The following NKD2 variants were observed in gnomAD, a reference collection of about 807,000 sequenced individuals.
NKD2 encodes the protein protein naked cuticle homolog 2.
Under a neutral mutation model 34.8 loss-of-function variants are expected in NKD2, and 43 were observed. That is an observed-to-expected ratio of 1.24 (90% CI 0.97 to 1.60). NKD2 has a LOEUF of 1.60. Ranked by LOEUF, NKD2 falls within the 40% of genes most tolerant of loss-of-function variation. The probability of loss-of-function intolerance (pLI) is 0.00; values close to 1 mark genes in which losing one functional copy is unlikely to be tolerated. For synonymous variants in NKD2, 278 were observed against 265.1 expected, an observed-to-expected ratio of 1.05 and a Z score of -0.47; for missense variants, 675 against 627.1, an observed-to-expected ratio of 1.08 and a Z score of -0.82.
chr5:1,035,364 A>C, intron 7 of NKD2, 25 bp from the exon 8 acceptor site: 1 of 1,533,722 alleles, frequency 6.5e-7, no homozygotes, highest in Non-Finnish European at 8.8e-7. Context: ...GGAGGGAGTG[A>C]GTAATGGCAG....
At chr5:1,032,295 A>G (rs1411967607) in intron 4 of NKD2, 83 bp downstream of exon 4, 2 of 1,082,074 alleles carry the variant, frequency 1.8e-6, no homozygotes, top group Non-Finnish European at 2.8e-6. Flanking sequence ...CCACCCTTAA[A>G]ACAACCCCGT....
At chr5:1,012,395 G>A (rs1755789431) in intron 3 of NKD2, among the ~76,000 whole-genome samples, 1 of 152,216 alleles carries the variant, frequency 6.6e-6, no homozygotes, top group Non-Finnish European at 1.5e-5. Context: ...GGAGGCAGCA[G>A]GCACGGCTCT....
At chr5:1,035,294 A>G (rs1331975756) in intron 7 of NKD2, 95 bp from the exon 8 acceptor site, 2 of 995,444 alleles carry the variant, frequency 2.0e-6, no homozygotes, top group Middle Eastern at 2.1e-4. Context: ...TAATGAATGA[A>G]TGAATGAGTG....
chr5:1,020,070 T>G (rs908547444), intron 3 of NKD2, among the ~76,000 whole-genome samples: 10 of 152,278 alleles, frequency 6.6e-5, no homozygotes, highest in Admixed American at 4.6e-4. Flanking sequence ...GTTTTCCTTT[T>G]TCTGTGACAT....
At chr5:1,037,513 C>T in intron 9 of NKD2, 2 of 1,533,732 alleles carry the variant, frequency 1.3e-6, no homozygotes, top group East Asian at 4.9e-5. Flanking sequence ...CACGGCGCCC[C>T]AAGCAGGGTC....
intron 3 of NKD2, among the ~76,000 whole-genome samples, chr5:1,030,844 G>A (rs916656446): frequency 2.6e-5 from 4 of 152,178 alleles, no homozygotes; most frequent in Non-Finnish European, 4.4e-5. Flanking sequence ...CCTTGGCACC[G>A]CCCTGGGCGG....
intron 3 of NKD2, among the ~76,000 whole-genome samples, chr5:1,022,066 G>C (rs1415913548): frequency 4.0e-5 from 5 of 124,102 alleles, no homozygotes; most frequent in Admixed American, 9.2e-5. Flanking sequence ...CAGTCGAAAC[G>C]GGGTCCTTGC....
intron 3 of NKD2, among the ~76,000 whole-genome samples, chr5:1,031,454 T>TCCCG (rs1417668198): frequency 6.6e-6 from 1 of 151,902 alleles, no homozygotes; most frequent in Non-Finnish European, 1.5e-5. Context: ...TGCCCATCCC[T>TCCCG]CCCGCCCGCC....
Position 1,038,300 on chromosome 5 carries a change from TCCAGCGGCACGAGCACCA to T in NKD2, c.1287_1304del (p.Gln429_His434del), listed in dbSNP as rs1334591835. 14 of 1,548,942 alleles carry T rather than the reference TCCAGCGGCACGAGCACCA, an allele frequency of 9.0e-6. No individual in the cohort carries two copies. The highest frequency in any genetic ancestry group is 4.1e-5 in the African/African-American group (3 of 73,594). On this transcript the variant is annotated inframe_deletion, in exon 10 of 10. Transcript: ENST00000296849. The surrounding 1 kb of genome is among the most constrained non-coding windows in gnomAD (Gnocchi z 4.5). Reference sequence around the variant, plus strand: ...GGAGAGGGCTACGCGGTGCCAGTGATCCAGCGGCACGAGCACCACCACCACCACGAGCACCACCACCAC... The same window carrying T: ...GGAGAGGGCTACGCGGTGCCAGTGATCCACCACCACGAGCACCACCACCAC...
At chr5:1,026,545 G>T (rs1476344370) in intron 3 of NKD2, among the ~76,000 whole-genome samples, 2 of 66,318 alleles carry the variant, frequency 3.0e-5, no homozygotes, top group African/African-American at 7.7e-5. Context: ...CCAGCCCATT[G>T]TCCCTGCTCT....
chr5:1,036,503 A>ACCCCCCCCCCC (rs1491491725), intron 9 of NKD2, 119 bp downstream of exon 9: 16 of 207,810 alleles, frequency 7.7e-5, no homozygotes, highest in African/African-American at 3.6e-4. Context: ...CCCCCCCCCA[A>ACCCCCCCCCCC]CCCCCCCCAC....
At chr5:1,037,162 T>C (rs954454206) in intron 9 of NKD2, among the ~76,000 whole-genome samples, 1 of 152,178 alleles carries the variant, frequency 6.6e-6, no homozygotes, top group South Asian at 2.1e-4. Flanking sequence ...CACACGTTTA[T>C]TTCCGACTAG....
At chr5:1,018,555 ACAGT>A (rs368892672) in intron 3 of NKD2, among the ~76,000 whole-genome samples, 76 of 151,090 alleles carry the variant, frequency 5.0e-4, no homozygotes, top group Non-Finnish European at 5.9e-4. Flanking sequence ...GAGACTGGTC[ACAGT>A]CAGGGCGACT....
intron 3 of NKD2, among the ~76,000 whole-genome samples, chr5:1,028,505 G>A (rs1276749139): frequency 2.6e-5 from 4 of 152,150 alleles, no homozygotes; most frequent in African/African-American, 9.7e-5. Flanking sequence ...CACGGGGCAG[G>A]CCCACGGTCG....
chr5:1,028,578 A>C (rs1756517178), intron 3 of NKD2, among the ~76,000 whole-genome samples: 1 of 151,900 alleles, frequency 6.6e-6, no homozygotes, highest in African/African-American at 2.4e-5. Context: ...CATGGGCGGG[A>C]GGGGACAACG....
chr5:1,014,874 T>C (rs1247712255), intron 3 of NKD2, among the ~76,000 whole-genome samples: 1 of 152,214 alleles, frequency 6.6e-6, no homozygotes, highest in Admixed American at 6.5e-5. Flanking sequence ...TGTGGCCCCC[T>C]CGCCAGCACC....
intron 5 of NKD2, among the ~76,000 whole-genome samples, chr5:1,033,887 T>C (rs971746861): frequency 3.3e-5 from 5 of 152,062 alleles, no homozygotes; most frequent in African/African-American, 1.2e-4. Flanking sequence ...AGGACTGGGG[T>C]CTCCGTGTCC....
chr5:1,011,833 C>T (rs981229350), intron 3 of NKD2, among the ~76,000 whole-genome samples: 1 of 152,258 alleles, frequency 6.6e-6, no homozygotes, highest in African/African-American at 2.4e-5. Flanking sequence ...TCTGCACCCC[C>T]GACGTGGCTC....
chr5:1,037,931 A>G lies in NKD2; in HGVS notation c.914A>G (p.His305Arg), dbSNP rs1734079203. Residue 305 changes from histidine to arginine, a missense_variant, in exon 10 of 10, where the codon CAC (histidine) becomes CGC (arginine). Transcript: ENST00000296849. ...HHRRSQVLVEHVVPASEPAAR... is the reference protein window; with the variant it reads ...HHRRSQVLVERVVPASEPAAR... ...CGCAGGTCACAGGTGCTGGTGGAAC[A>G]CGTCGTGCCAGCCTCGGAGCCTGCT... is the stretch of plus-strand genomic sequence containing the variant. 9.3e-6 allele frequency: 15 copies of G among 1,607,370 alleles called. No individual in the cohort carries two copies. Among genetic ancestry groups the G allele is most frequent in the Non-Finnish European group, 1.3e-5 (15 of 1,179,226 alleles).
Sources: allele counts gnomAD v4.1 joint callset (sites outside exome capture counted in the v4.1 genomes callset), GRCh38; gene constraint gnomAD v4.1.1; non-coding constraint Gnocchi (gnomAD v3.1); transcripts MANE v1.5; gene names NCBI Gene and HGNC (gene_info 2026-07-23, HGNC 2026-07-21).